RHOBTB1: variants seen among roughly 807,000 people sequenced by gnomAD.
The protein encoded by RHOBTB1 is Rho related BTB domain containing 1.
A neutral mutation model predicts 71.6 loss-of-function variants in RHOBTB1; 40 were observed. That is an observed-to-expected ratio of 0.56 (90% CI 0.43 to 0.73). RHOBTB1 has a LOEUF of 0.73. RHOBTB1 is among the 30% of genes least tolerant of loss of function. RHOBTB1 has a pLI of 0.00. For synonymous variants in RHOBTB1, 319 were observed against 334.9 expected (o/e 0.95, Z 0.52); for missense variants, 797 against 894.0 (o/e 0.89, Z 1.38).
chr10:60,934,575 A>G (rs914167791), intron 2 of RHOBTB1, among the ~76,000 whole-genome samples: 4 of 152,374 alleles, frequency 2.6e-5, no homozygotes, highest in South Asian at 2.1e-4. Flanking sequence ...TAGAGTTTAA[A>G]GAATATTAGA....
At chr10:60,934,420 T>C (rs1178022093) in intron 2 of RHOBTB1, among the ~76,000 whole-genome samples, 1 of 152,084 alleles carries the variant, frequency 6.6e-6, no homozygotes, top group Non-Finnish European at 1.5e-5. Flanking sequence ...CATAGAACAA[T>C]GCAACAAGGA....
chr10:60,919,035 C>T (rs1161820799), intron 2 of RHOBTB1, among the ~76,000 whole-genome samples: 1 of 152,178 alleles, frequency 6.6e-6, no homozygotes, highest in Non-Finnish European at 1.5e-5. Flanking sequence ...CATGAGCCAA[C>T]ATGCCTGGCC....
At chr10:60,982,955 G>A (rs1220966571) in intron 2 of RHOBTB1, among the ~76,000 whole-genome samples, 1 of 151,976 alleles carries the variant, frequency 6.6e-6, no homozygotes, top group Non-Finnish European at 1.5e-5. Context: ...ATGACATAAG[G>A]CACAGAACTT....
At chr10:60,865,389 G>A (rs1307581636), downstream of RHOBTB1, among the ~76,000 whole-genome samples, 1 of 152,198 alleles carries the variant, frequency 6.6e-6, no homozygotes, top group Admixed American at 6.5e-5. Flanking sequence ...TTTATAGTGT[G>A]TAATGTGATG....
intron 2 of RHOBTB1, among the ~76,000 whole-genome samples, chr10:60,920,183 T>C (rs907898696): frequency 6.6e-6 from 1 of 152,126 alleles, no homozygotes; most frequent in Non-Finnish European, 1.5e-5. Flanking sequence ...AAAAATTACA[T>C]GCTAAGCACT....
intron 10 of RHOBTB1, 65 bp downstream of exon 10, chr10:60,872,120 A>G: frequency 8.5e-7 from 1 of 1,180,842 alleles, no homozygotes; most frequent in Non-Finnish European, 1.3e-6. Context: ...CCAGGGACAT[A>G]GAAGATAAAA....
In RHOBTB1 at chr10:60,878,174, C is replaced by A. The variant is rs960174482; in HGVS notation, c.1576-116G>T. 9.4e-6 allele frequency: 7 copies of A among 746,704 alleles called. No individual in the cohort carries two copies. In the East Asian group the frequency reaches 1.1e-4, roughly 11 times the overall value. 46.3% of individuals were successfully genotyped at this position (746,704 alleles called of 1,614,324 possible). A position where few individuals can be genotyped will look rare whatever the true frequency, so the allele number is the denominator to read the frequency against. On this transcript the variant is annotated intron_variant, in intron 7 of 10. Transcript: ENST00000337910. ...ACTTGATATTGGTGAGTGTTGGACA[C>A]CTGCTTTGAGGCTGTGCATAGGAAT...
chr10:60,996,822 T>A (rs1456062817), intron 1 of RHOBTB1, among the ~76,000 whole-genome samples: 2 of 152,198 alleles, frequency 1.3e-5, no homozygotes, highest in Non-Finnish European at 2.9e-5. Context: ...AATCCAGATT[T>A]AACTAGGCAT....
chr10:60,937,263 C>T (rs956564312), intron 2 of RHOBTB1, among the ~76,000 whole-genome samples: 1 of 152,108 alleles, frequency 6.6e-6, no homozygotes, highest in Non-Finnish European at 1.5e-5. Context: ...GGGTAGTTAT[C>T]AAGTGCTGCA....
chr10:60,921,647 C>T lies in RHOBTB1; in HGVS notation c.-10-10095G>A, dbSNP rs144800687. On this transcript the variant is annotated intron_variant, in intron 2 of 10. Transcript: ENST00000337910. The stretch of plus-strand genomic sequence containing the variant: ...TGGCCTATAGGCAGCTTTCAATAAA[C>T]GTTTGTTGAATTGAATATAAAAATA... Among the ~76,000 whole-genome samples the T allele has an allele frequency of 1.7e-3, 252 of 152,266 alleles. 1 individual carries two copies. Among genetic ancestry groups the T allele is most frequent in the Non-Finnish European group, 3.0e-3 (203 of 68,024 alleles).
At chr10:60,986,227 A>G (rs2086655057) in intron 1 of RHOBTB1, among the ~76,000 whole-genome samples, 1 of 151,940 alleles carries the variant, frequency 6.6e-6, no homozygotes, top group Non-Finnish European at 1.5e-5. Flanking sequence ...TGCTTCCCTC[A>G]TCTTCCAGGT....
In RHOBTB1 at chr10:60,871,706, G is replaced by A. The variant is rs2080795203; in HGVS notation, c.1922-55C>T. On this transcript the variant is annotated intron_variant, in intron 10 of 10. Coordinates refer to ENST00000337910, the MANE Select transcript of RHOBTB1 (RefSeq NM_014836.5). ...CCTGCGGTTCATTGATGCCTTTTAT[G>A]TGCTAGGCCTTGAGCTTAAAGCTTC... 8.5e-6 allele frequency: 13 copies of A among 1,527,564 alleles called. No homozygotes were observed. The South Asian group carries it at 1.2e-4, about 14-fold the overall frequency. 94.6% of individuals were successfully genotyped at this position (1,527,564 alleles called of 1,614,324 possible). A position where few individuals can be genotyped will look rare whatever the true frequency, so the allele number is the denominator to read the frequency against.
intron 2 of RHOBTB1, among the ~76,000 whole-genome samples, chr10:60,927,545 C>T (rs764696166): frequency 5.9e-5 from 9 of 152,026 alleles, no homozygotes; most frequent in Non-Finnish European, 1.2e-4. Flanking sequence ...AATAGAGAAC[C>T]CAGAAAAAAA....
intron 2 of RHOBTB1, among the ~76,000 whole-genome samples, chr10:60,958,720 T>G (rs1466193960): frequency 2.0e-5 from 3 of 151,956 alleles, no homozygotes. Flanking sequence ...CCTACCTGAG[T>G]CTCCTGAGTA....
At chr10:60,862,418 G>A in the RHOBTB1 span, among the ~76,000 whole-genome samples, 1 of 151,890 alleles carries the variant, frequency 6.6e-6, no homozygotes, top group African/African-American at 2.4e-5. Context: ...GGCTGGTCTC[G>A]AACTTCTGAC....
chr10:60,982,405 G>T (rs748230289), intron 2 of RHOBTB1, among the ~76,000 whole-genome samples: 2 of 152,118 alleles, frequency 1.3e-5, no homozygotes, highest in East Asian at 3.9e-4. Context: ...TAAGATTTTT[G>T]AGGGTGTATT....
At chr10:60,885,985 A>G (rs2081549320) in intron 7 of RHOBTB1, 127 bp downstream of exon 7, 1 of 720,474 alleles carries the variant, frequency 1.4e-6, no homozygotes, top group Non-Finnish European at 2.5e-6. Flanking sequence ...TATGACTAAC[A>G]GTATGATGAC....
At chr10:60,889,862 G>A (rs910455758) in intron 5 of RHOBTB1, among the ~76,000 whole-genome samples, 2 of 152,126 alleles carry the variant, frequency 1.3e-5, no homozygotes, top group Non-Finnish European at 2.9e-5. Flanking sequence ...GTATTTTGTC[G>A]ACAGTAAGTG....
intron 8 of RHOBTB1, among the ~76,000 whole-genome samples, chr10:60,876,544 TA>T (rs1409860529): frequency 2.0e-5 from 3 of 152,128 alleles, no homozygotes; most frequent in African/African-American, 7.2e-5. Context: ...GTTTCAAAAA[TA>T]AATAAAAATG....
Sources: allele counts gnomAD v4.1 joint callset (sites outside exome capture counted in the v4.1 genomes callset), GRCh38; gene constraint gnomAD v4.1.1; transcripts MANE v1.5; gene names NCBI Gene and HGNC (gene_info 2026-07-23, HGNC 2026-07-21).